Variants in CLDN10 observed in about 807,000 individuals in gnomAD.
CLDN10 encodes claudin-10.
In CLDN10, 15 loss-of-function variants were observed where a neutral mutation model predicts 22.9. That is an observed-to-expected ratio of 0.65 (90% CI 0.44 to 1.01). The LOEUF (loss-of-function observed/expected upper bound fraction) is 1.01, where lower values mean the gene tolerates loss of function less well. Among genes scored for constraint, CLDN10 ranks in the 50% least tolerant of loss-of-function variants. The pLI, the probability that CLDN10 is intolerant of heterozygous loss-of-function variation, is 0.00. For synonymous variants in CLDN10, 114 were observed against 111.4 expected, an observed-to-expected ratio of 1.02 and a Z score of -0.15; for missense variants, 247 against 287.8, an observed-to-expected ratio of 0.86 and a Z score of 1.03.
In CLDN10 at chr13:95,579,455, T is replaced by A. The variant is rs2043984416; in HGVS notation, c.*1441T>A. 6.6e-6 allele frequency: 1 copy of A among 152,200 alleles called. No individual in the cohort carries two copies. The highest frequency in any genetic ancestry group is 2.4e-5 in the African/African-American group (1 of 41,458). 9.4% of individuals were successfully genotyped at this position (152,200 alleles called of 1,614,324 possible). ...ATACATATTGTTTTCATCCTGCATTTACAGAAAAAGAAATGAAAACAGAGA... is the reference window on the plus strand; with the variant it reads ...ATACATATTGTTTTCATCCTGCATTAACAGAAAAAGAAATGAAAACAGAGA... On this transcript the variant is annotated 3_prime_UTR_variant, in exon 5 of 5. Coordinates refer to ENST00000299339, the MANE Select transcript of CLDN10 (RefSeq NM_006984.5).
intron 1 of CLDN10, among the ~76,000 whole-genome samples, chr13:95,486,839 C>CT (rs2042809987): frequency 6.6e-6 from 1 of 152,222 alleles, no homozygotes; most frequent in Admixed American, 6.5e-5. Context: ...CTACACTCTC[C>CT]CTTTACCGCC....
chr13:95,569,513 G>T (rs945936330), intron 3 of CLDN10, among the ~76,000 whole-genome samples: 6 of 152,122 alleles, frequency 3.9e-5, no homozygotes, highest in Non-Finnish European at 8.8e-5. Context: ...GAACCTGGGG[G>T]GTGGAGGTTG....
chr13:95,473,047 G>A (rs115104926), intron 1 of CLDN10, among the ~76,000 whole-genome samples: 1,747 of 150,468 alleles, frequency 0.012, 25 homozygotes, highest in African/African-American at 0.04. Flanking sequence ...GGCTGAGGTA[G>A]AAGGATTGTT....
chr13:95,531,534 A>G (rs1285735477), intron 1 of CLDN10, among the ~76,000 whole-genome samples: 1 of 151,524 alleles, frequency 6.6e-6, no homozygotes, highest in Non-Finnish European at 1.5e-5. Flanking sequence ...ATTGCTCAGT[A>G]TTACCTTTTT....
chr13:95,498,099 G>A (rs2042946928), intron 1 of CLDN10, among the ~76,000 whole-genome samples: 1 of 152,236 alleles, frequency 6.6e-6, no homozygotes, highest in Non-Finnish European at 1.5e-5. Flanking sequence ...AGCATTCAGA[G>A]TTATGGATCA....
At chr13:95,542,837 A>G (rs2043472926) in intron 1 of CLDN10, among the ~76,000 whole-genome samples, 1 of 152,184 alleles carries the variant, frequency 6.6e-6, no homozygotes, top group African/African-American at 2.4e-5. Flanking sequence ...ACAATAATAA[A>G]GACATAGTTA....
intron 1 of CLDN10, among the ~76,000 whole-genome samples, chr13:95,519,276 G>C (rs12877076): frequency 0.098 from 14,992 of 152,228 alleles, 923 homozygotes; most frequent in Middle Eastern, 0.12. Context: ...ACCCTGAGCT[G>C]GACCAGAGAC....
chr13:95,490,431 C>G (rs758935426), intron 1 of CLDN10, among the ~76,000 whole-genome samples: 1 of 152,130 alleles, frequency 6.6e-6, no homozygotes, highest in African/African-American at 2.4e-5. Context: ...AGAGGCCTTT[C>G]GACTCTGTAT....
chr13:95,445,244 G>A (rs747819521), intron 1 of CLDN10, among the ~76,000 whole-genome samples: 19 of 152,244 alleles, frequency 1.2e-4, no homozygotes, highest in African/African-American at 1.7e-4. Flanking sequence ...GCACATAATT[G>A]GAATGGCTGA....
chr13:95,471,114 A>G (rs2042626960), intron 1 of CLDN10, among the ~76,000 whole-genome samples: 1 of 152,132 alleles, frequency 6.6e-6, no homozygotes, highest in South Asian at 2.1e-4. Context: ...TCTGAGCCAA[A>G]TGATTTCACT....
intron 1 of CLDN10, among the ~76,000 whole-genome samples, chr13:95,529,454 G>A (rs892045475): frequency 2.6e-5 from 4 of 151,992 alleles, no homozygotes; most frequent in Non-Finnish European, 5.9e-5. Context: ...AGAACCATTC[G>A]CCTTATTAAT....
intron 1 of CLDN10, among the ~76,000 whole-genome samples, chr13:95,437,857 T>C (rs1360148476): frequency 1.3e-5 from 2 of 152,130 alleles, no homozygotes; most frequent in African/African-American, 4.8e-5. Context: ...CAATGACATC[T>C]TCTGTGCCTC....
At chr13:95,560,517 T>C (rs1285958028) in intron 3 of CLDN10, 54 bp downstream of exon 3, 1 of 1,382,100 alleles carries the variant, frequency 7.2e-7, no homozygotes, top group Non-Finnish European at 1.0e-6. Flanking sequence ...TATAAATTAA[T>C]ATTCTCAACC....
chr13:95,540,143 T>C (rs1480692695), intron 1 of CLDN10, among the ~76,000 whole-genome samples: 1 of 150,024 alleles, frequency 6.7e-6, no homozygotes, highest in Non-Finnish European at 1.5e-5. Context: ...CTACTAAAAA[T>C]ACAAAAATTA....
intron 1 of CLDN10, among the ~76,000 whole-genome samples, chr13:95,488,526 T>TC (rs1566297190): frequency 6.6e-6 from 1 of 151,862 alleles, no homozygotes; most frequent in Admixed American, 6.6e-5. Flanking sequence ...CTCCCACTCT[T>TC]CCCCCCAAGT....
chr13:95,516,236 T>G (rs2043166651), intron 1 of CLDN10, among the ~76,000 whole-genome samples: 1 of 152,210 alleles, frequency 6.6e-6, no homozygotes, highest in Non-Finnish European at 1.5e-5. Flanking sequence ...CTGTATCGGT[T>G]GGCCAGTAGC....
chr13:95,570,302 G>A (rs150581285), intron 3 of CLDN10, among the ~76,000 whole-genome samples: 99 of 152,250 alleles, frequency 6.5e-4, no homozygotes, highest in African/African-American at 2.3e-3. Context: ...TTACGGCCAA[G>A]CAAACCCCCC....
chr13:95,572,086 T>A (rs2043869833), intron 3 of CLDN10, among the ~76,000 whole-genome samples: 1 of 152,102 alleles, frequency 6.6e-6, no homozygotes, highest in Non-Finnish European at 1.5e-5. Flanking sequence ...TGCTCTTTCC[T>A]TTTTCAGCTC....
chr13:95,572,760 G>A (rs538039103), intron 3 of CLDN10, among the ~76,000 whole-genome samples: 17 of 152,248 alleles, frequency 1.1e-4, no homozygotes, highest in African/African-American at 4.1e-4. Flanking sequence ...GGATCTGTGA[G>A]CCAGGGCCAT....
Sources: allele counts gnomAD v4.1 joint callset (sites outside exome capture counted in the v4.1 genomes callset), GRCh38; gene constraint gnomAD v4.1.1; transcripts MANE v1.5; gene names NCBI Gene and HGNC (gene_info 2026-07-23, HGNC 2026-07-21).